The following SPOPL variants were observed in gnomAD, a reference collection of about 807,000 sequenced individuals.
The protein encoded by SPOPL is speckle type BTB/POZ protein like.
SPOPL carries 23 observed loss-of-function variants against 53.8 expected under a neutral mutation model. The ratio of observed to expected loss-of-function variants is 0.43; its 90% confidence interval spans 0.31 to 0.61. The LOEUF (loss-of-function observed/expected upper bound fraction) is 0.61. Ranked by LOEUF, SPOPL falls within the 20% of genes least tolerant of loss-of-function variation. The pLI is 0.12. For missense variants in SPOPL, 442 were observed against 466.9 expected (o/e 0.95, Z 0.49); for synonymous variants, 164 against 149.7 (o/e 1.10, Z -0.70).
intron 1 of SPOPL, among the ~76,000 whole-genome samples, chr2:138,548,356 A>G (rs1216549764): frequency 6.6e-6 from 1 of 151,514 alleles, no homozygotes; most frequent in Non-Finnish European, 1.5e-5. Flanking sequence ...AAACATATAA[A>G]TGCTTTCATG....
intron 5 of SPOPL, among the ~76,000 whole-genome samples, chr2:138,553,826 G>A (rs1685364190): frequency 6.6e-6 from 1 of 152,096 alleles, no homozygotes; most frequent in South Asian, 2.1e-4. Context: ...ATTTGTTGCT[G>A]ATCAGCAGAT....
intron 1 of SPOPL, among the ~76,000 whole-genome samples, chr2:138,532,251 C>T (rs1436625483): frequency 1.3e-5 from 2 of 152,112 alleles, no homozygotes; most frequent in African/African-American, 2.4e-5. Flanking sequence ...TTATCTCCAG[C>T]GCCGTAAGGC....
chr2:138,558,565 CTT>C (rs1350015422), intron 5 of SPOPL, among the ~76,000 whole-genome samples: 1 of 152,020 alleles, frequency 6.6e-6, no homozygotes, highest in Non-Finnish European at 1.5e-5. Context: ...AATTTTATCA[CTT>C]TTTATACGGT....
intron 1 of SPOPL, among the ~76,000 whole-genome samples, chr2:138,505,866 C>G (rs1026688930): frequency 3.3e-5 from 5 of 152,116 alleles, no homozygotes; most frequent in African/African-American, 1.2e-4. Context: ...GAATGCTTCT[C>G]TGAAGAAATG....
rs1685322875 is a variant in SPOPL at position 138,551,965 on chromosome 2, GA to G, written c.353-584del. On this transcript the variant is annotated intron_variant, in intron 4 of 10. Coordinates refer to ENST00000280098, the MANE Select transcript of SPOPL (RefSeq NM_001001664.3). ...CAAAAAGCATCTTTTGGACTTTTAT[GA>G]AAAATTCTTTTTAGGGGAGAGGAGG... Among the ~76,000 whole-genome samples the G allele has an allele frequency of 3.3e-5, 5 of 152,070 alleles. No individual in the cohort carries two copies. In the South Asian group the frequency reaches 1.0e-3, roughly 31 times the overall value.
intron 1 of SPOPL, among the ~76,000 whole-genome samples, chr2:138,517,315 A>G (rs1256816369): frequency 6.6e-6 from 1 of 152,192 alleles, no homozygotes; most frequent in Non-Finnish European, 1.5e-5. Flanking sequence ...TCCGACAATT[A>G]TTACACCTCT....
chr2:138,564,544 G>T, intron 8 of SPOPL, 164 bp from the exon 9 acceptor site: 1 of 734,220 alleles, frequency 1.4e-6, no homozygotes. Context: ...AAGTGCATTT[G>T]TTTATATTTA....
chr2:138,501,771 C>T lies in SPOPL; in HGVS notation c.-409C>T, dbSNP rs1684094902. On this transcript the variant is annotated 5_prime_UTR_variant, in exon 1 of 11. The change creates a new upstream start codon in the 5' untranslated region. Coordinates refer to ENST00000280098, the MANE Select transcript of SPOPL (RefSeq NM_001001664.3). ...GCCGCCGCCGCCGCCGCCGCGCGCACGCGCCCTCGCGGGCTGGAGCCGGGG... is the reference window on the plus strand; with the variant it reads ...GCCGCCGCCGCCGCCGCCGCGCGCATGCGCCCTCGCGGGCTGGAGCCGGGG... The T allele has an allele frequency of 1.3e-5, 2 of 156,420 alleles. No individual in the cohort carries two copies. Among genetic ancestry groups the T allele is most frequent in the Non-Finnish European group, 2.8e-5 (2 of 71,290 alleles). 9.7% of individuals were successfully genotyped at this position (156,420 alleles called of 1,614,324 possible).
chr2:138,561,010 A>G, intron 8 of SPOPL, 83 bp downstream of exon 8: 1 of 1,500,982 alleles, frequency 6.7e-7, no homozygotes, highest in South Asian at 1.3e-5. Context: ...AAAACTCCAA[A>G]TAACTCGTAT....
chr2:138,511,304 A>G (rs1342695639), intron 1 of SPOPL, among the ~76,000 whole-genome samples: 1 of 152,164 alleles, frequency 6.6e-6, no homozygotes, highest in East Asian at 1.9e-4. Flanking sequence ...CAAAAATTGC[A>G]TCTTTAAGTT....
intron 1 of SPOPL, among the ~76,000 whole-genome samples, chr2:138,522,066 AC>A (rs1167979839): frequency 1.3e-5 from 2 of 152,120 alleles, no homozygotes; most frequent in African/African-American, 4.8e-5. Context: ...GCTGACCCGG[AC>A]CCGCTGAACC....
rs10673306 is a variant in SPOPL, at chr2:138,530,922, AGTGTGT to A, written c.-60-19210_-60-19205del. ...CTCAGGGAAACCTTACTGTAGAGTG[AGTGTGT>A]GTGTGTGTGTGTGTGTGTGTGTGTT... On this transcript the variant is annotated intron_variant, in intron 1 of 10. Transcript: ENST00000280098. Among the ~76,000 whole-genome samples the A allele has an allele frequency of 3.4e-4, 51 of 148,058 alleles. No individual in the cohort carries two copies. The East Asian group carries it at 6.6e-3, about 19-fold the overall frequency.
chr2:138,513,529 G>A (rs761741233), intron 1 of SPOPL, among the ~76,000 whole-genome samples: 4 of 151,954 alleles, frequency 2.6e-5, no homozygotes, highest in Non-Finnish European at 5.9e-5. Flanking sequence ...CAGTGTAGGC[G>A]ACAGAGTGAG....
In SPOPL at chr2:138,534,002, GA is replaced by G. The variant is rs377679223; in HGVS notation, c.-60-16154del. Among the ~76,000 whole-genome samples the G allele has an allele frequency of 7.2e-5, 11 of 152,154 alleles. No homozygotes were observed. The East Asian group carries it at 1.5e-3, about 21-fold the overall frequency. ...TTTGATAATGCTCTTTAGACAGCAT[GA>G]TTTTTTTTAACCCTACTTTGCTGGA... On this transcript the variant is annotated intron_variant, in intron 1 of 10. Transcript: ENST00000280098.
intron 1 of SPOPL, among the ~76,000 whole-genome samples, chr2:138,533,988 T>G (rs1473552808): frequency 2.0e-5 from 3 of 152,148 alleles, no homozygotes; most frequent in Non-Finnish European, 4.4e-5. Context: ...TTGATAATGC[T>G]CTTTAGACAG....
rs190200332 is a variant in SPOPL, at chr2:138,572,069, T to C, written c.*2989T>C. The C allele has an allele frequency of 4.3e-3, 650 of 152,500 alleles. 5 individuals carry two copies. The highest frequency in any genetic ancestry group is 6.8e-3 in the Non-Finnish European group (461 of 67,934). The allele number at this position is 152,500 out of a possible 1,614,324, so 9.4% of individuals were successfully genotyped here. A position where few individuals can be genotyped will look rare whatever the true frequency, so the allele number is the denominator to read the frequency against. On this transcript the variant is annotated 3_prime_UTR_variant, in exon 11 of 11. Coordinates refer to ENST00000280098, the MANE Select transcript of SPOPL (RefSeq NM_001001664.3). ...CATACCTGTATTTGCTTGGGGCTTG[T>C]GTGTGGTATGTTACAAAGAGTGAAT...
intron 1 of SPOPL, among the ~76,000 whole-genome samples, chr2:138,532,322 G>T (rs935059420): frequency 6.6e-6 from 1 of 152,050 alleles, no homozygotes; most frequent in Admixed American, 6.5e-5. Flanking sequence ...GTAAAGTGTG[G>T]ATTCTCGCTC....
Position 138,571,952 on chromosome 2 carries a change from A to G in SPOPL, c.*2872A>G, listed in dbSNP as rs1685791596. On this transcript the variant is annotated 3_prime_UTR_variant, in exon 11 of 11. Coordinates refer to ENST00000280098, the MANE Select transcript of SPOPL (RefSeq NM_001001664.3). ...TTACCTCCTTGAATAGTCATGTGTC[A>G]TTGTCTTGAATTGGTAATTGGAGAA... The G allele has an allele frequency of 6.6e-6, 1 of 152,574 alleles. No individual in the cohort carries two copies. Among genetic ancestry groups the G allele is most frequent in the Middle Eastern group, 3.4e-3 (1 of 294 alleles). The allele number at this position is 152,574 out of a possible 1,614,324, so 9.5% of individuals were successfully genotyped here. A position where few individuals can be genotyped will look rare whatever the true frequency, so the allele number is the denominator to read the frequency against.
intron 1 of SPOPL, among the ~76,000 whole-genome samples, chr2:138,547,829 T>A (rs930903437): frequency 5.9e-5 from 9 of 152,194 alleles, no homozygotes; most frequent in African/African-American, 2.2e-4. Flanking sequence ...CTATATACTA[T>A]TTATATTTAT....
Sources: allele counts gnomAD v4.1 joint callset (sites outside exome capture counted in the v4.1 genomes callset), GRCh38; gene constraint gnomAD v4.1.1; transcripts MANE v1.5; gene names NCBI Gene and HGNC (gene_info 2026-07-23, HGNC 2026-07-21).